AGTPBP1: variants seen among roughly 807,000 people sequenced by gnomAD.
The protein encoded by AGTPBP1 is cytosolic carboxypeptidase 1.
A neutral mutation model predicts 143.9 loss-of-function variants in AGTPBP1; 70 were observed. The ratio of observed to expected loss-of-function variants is 0.49; its 90% confidence interval spans 0.40 to 0.59. AGTPBP1 has a LOEUF of 0.59. Ranked by LOEUF, AGTPBP1 falls within the 20% of genes least tolerant of loss-of-function variation. The probability of loss-of-function intolerance (pLI) is 0.00; values close to 1 mark genes in which losing one functional copy is unlikely to be tolerated. For synonymous variants in AGTPBP1, 463 were observed against 500.2 expected, an observed-to-expected ratio of 0.93 and a Z score of 0.99; for missense variants, 1,229 against 1,464.5, an observed-to-expected ratio of 0.84 and a Z score of 2.62.
intron 13 of AGTPBP1, among the ~76,000 whole-genome samples, chr9:85,636,192 T>C (rs1276790521): frequency 6.6e-6 from 1 of 151,656 alleles, no homozygotes; most frequent in Non-Finnish European, 1.5e-5. Context: ...ATGACCATAT[T>C]TAATATGTTC....
At chr9:85,580,299 T>C (rs1019205638) in intron 23 of AGTPBP1, among the ~76,000 whole-genome samples, 2 of 152,028 alleles carry the variant, frequency 1.3e-5, no homozygotes, top group South Asian at 2.1e-4. Context: ...TTTTTGTTTA[T>C]GATGTGTAGT....
intron 11 of AGTPBP1, among the ~76,000 whole-genome samples, chr9:85,651,464 G>A (rs1346979866): frequency 6.6e-6 from 1 of 152,050 alleles, no homozygotes; most frequent in Non-Finnish European, 1.5e-5. Flanking sequence ...ACTGTATTAT[G>A]TATCTTTTGC....
intron 11 of AGTPBP1, among the ~76,000 whole-genome samples, chr9:85,654,495 C>T (rs1384450114): frequency 6.6e-6 from 1 of 151,836 alleles, no homozygotes; most frequent in East Asian, 1.9e-4. Context: ...CAAATGTAAA[C>T]CCGAACATAA....
the AGTPBP1 span, chr9:85,756,286 A>G: frequency 6.6e-7 from 1 of 1,524,246 alleles, no homozygotes; most frequent in East Asian, 2.4e-5. Flanking sequence ...TTCTGGTTGT[A>G]AACCACTCCC....
At chr9:85,695,709 A>C (rs1160333469) in intron 2 of AGTPBP1, among the ~76,000 whole-genome samples, 1 of 152,226 alleles carries the variant, frequency 6.6e-6, no homozygotes, top group African/African-American at 2.4e-5. Flanking sequence ...GAGAAAATAC[A>C]TGCAACTGTC....
the AGTPBP1 span, among the ~76,000 whole-genome samples, chr9:85,800,318 C>A: frequency 6.6e-6 from 1 of 152,300 alleles, no homozygotes; most frequent in African/African-American, 2.4e-5. Flanking sequence ...CCTTGCTCTC[C>A]TTCTGCTTTC....
In AGTPBP1 at chr9:85,741,899, A is replaced by C. The variant is rs1824329338; in HGVS notation, c.-158T>G. On this transcript the variant is annotated 5_prime_UTR_variant, in exon 1 of 26. Coordinates refer to ENST00000357081, the MANE Select transcript of AGTPBP1 (RefSeq NM_001330701.2). ...TTCATACAAACCCCGGTGGCAGGCG[A>C]GGCGGAGGCGGCGGCGGCGGCAGCT... 2 of 1,344,666 alleles carry C rather than the reference A, an allele frequency of 1.5e-6. No homozygotes were observed. Among genetic ancestry groups the C allele is most frequent in the Admixed American group, 3.6e-5 (1 of 27,662 alleles). The allele number at this position is 1,344,666 out of a possible 1,614,324, so 83.3% of individuals were successfully genotyped here. A position where few individuals can be genotyped will look rare whatever the true frequency, so the allele number is the denominator to read the frequency against.
chr9:85,550,293 A>AT (rs1261311653), intron 25 of AGTPBP1, among the ~76,000 whole-genome samples: 1 of 152,020 alleles, frequency 6.6e-6, no homozygotes, highest in Non-Finnish European at 1.5e-5. Flanking sequence ...AGAAGATTAC[A>AT]TCCCCCAACA....
At chr9:85,607,543 A>G (rs1402712631) in intron 17 of AGTPBP1, among the ~76,000 whole-genome samples, 2 of 152,124 alleles carry the variant, frequency 1.3e-5, no homozygotes, top group African/African-American at 4.8e-5. Context: ...GTGAAAGGAT[A>G]AACCTTCATG....
chr9:85,568,561 C>T (rs774778712), intron 25 of AGTPBP1, among the ~76,000 whole-genome samples: 5 of 151,956 alleles, frequency 3.3e-5, no homozygotes, highest in African/African-American at 9.7e-5. Flanking sequence ...CCTGGGACAC[C>T]GATAATGGTT....
intron 6 of AGTPBP1, among the ~76,000 whole-genome samples, chr9:85,673,218 A>T (rs1362914354): frequency 1.3e-5 from 2 of 152,174 alleles, no homozygotes; most frequent in Non-Finnish European, 2.9e-5. Flanking sequence ...GAAAGAATGT[A>T]CTAAGAAACA....
Position 85,657,505 on chromosome 9 carries a change from G to A in AGTPBP1, c.839C>T (p.Thr280Ile). 6.2e-7 allele frequency: 1 copy of A among 1,613,788 alleles called. No individual in the cohort carries two copies. The highest frequency in any genetic ancestry group is 8.5e-7 in the Non-Finnish European group (1 of 1,179,876). The change falls in exon 10 of 26, where the codon ACA becomes ATA. Residue 280 changes from threonine (T) to isoleucine (I), a missense_variant. By Grantham distance (89) the Thr-to-Ile change is moderately conservative. Around this residue, in one of 2 missense-constraint regions of AGTPBP1, gnomAD observed 743 missense variants for 812.2 expected, o/e 0.91. Coordinates refer to ENST00000357081, the MANE Select transcript of AGTPBP1 (RefSeq NM_001330701.2). The stretch of plus-strand genomic sequence containing the variant: ...TGCTTTTCTTCCCAACTTGATGTTT[G>A]TAACACTTTTTAAACTCTGTAAAAT... ...KGILQSLKSV[T>I]NIKLGRKAFI...
intron 14 of AGTPBP1, 80 bp downstream of exon 14, chr9:85,632,582 T>C: frequency 8.1e-7 from 1 of 1,238,518 alleles, no homozygotes; most frequent in Non-Finnish European, 1.1e-6. Context: ...TCTTCCTAAA[T>C]GCCCAAAGTA....
Position 85,557,056 on chromosome 9 carries a change from GA to G in AGTPBP1, c.3504-9771del, listed in dbSNP as rs1350585398. On this transcript the variant is annotated intron_variant, in intron 25 of 25. Coordinates refer to ENST00000357081, the MANE Select transcript of AGTPBP1 (RefSeq NM_001330701.2). ...CTAAATATGTATTCTTCCTTATGCT[GA>G]TATATTCTTATTTTGAAGTCTCAGA... Among the ~76,000 whole-genome samples the G allele has an allele frequency of 2.6e-5, 4 of 152,166 alleles. No homozygotes were observed. The East Asian group carries it at 7.7e-4, about 29-fold the overall frequency.
chr9:85,655,296 C>G lies in AGTPBP1; in HGVS notation c.934G>C (p.Asp312His), dbSNP rs1334274791. The change falls in exon 11 of 26, where the codon GAT (aspartate) becomes CAT (histidine). Residue 312 changes from aspartate (D) to histidine (H), a missense_variant. This residue lies in a region of AGTPBP1 where 743 missense variants were observed against 812.2 expected (regional missense o/e 0.91). Coordinates refer to ENST00000357081, the MANE Select transcript of AGTPBP1 (RefSeq NM_001330701.2). ...AGACTGGAGGTATTGACAAGAGGATCCAGAGTCCTGACTGCCAGACATTCC... is the reference window on the plus strand; with the variant it reads ...AGACTGGAGGTATTGACAAGAGGATGCAGAGTCCTGACTGCCAGACATTCC... ...SQECLAVRTLDPLVNTSSLIM... is the reference protein window; with the variant it reads ...SQECLAVRTLHPLVNTSSLIM... 3.9e-6 allele frequency: 6 copies of G among 1,555,812 alleles called. No homozygotes were observed. The highest frequency in any genetic ancestry group is 5.2e-6 in the Non-Finnish European group (6 of 1,149,846).
At chr9:85,689,788 C>T (rs1046002394) in intron 3 of AGTPBP1, among the ~76,000 whole-genome samples, 2 of 147,418 alleles carry the variant, frequency 1.4e-5, no homozygotes, top group South Asian at 2.2e-4. Flanking sequence ...CCCAGCTACT[C>T]GGGGGGCTGA....
At chr9:85,629,930 A>G (rs1174146119) in intron 14 of AGTPBP1, among the ~76,000 whole-genome samples, 2 of 152,200 alleles carry the variant, frequency 1.3e-5, no homozygotes, top group African/African-American at 4.8e-5. Context: ...GCTTATATAA[A>G]ATTATGCCTC....
intron 7 of AGTPBP1, among the ~76,000 whole-genome samples, chr9:85,670,842 C>A (rs899508137): frequency 1.3e-5 from 2 of 152,130 alleles, no homozygotes; most frequent in African/African-American, 2.4e-5. Flanking sequence ...TTTATTACTC[C>A]GTTATCCCTT....
intron 9 of AGTPBP1, among the ~76,000 whole-genome samples, chr9:85,660,078 C>T (rs919721390): frequency 1.3e-5 from 2 of 151,226 alleles, no homozygotes; most frequent in Non-Finnish European, 3.0e-5. Context: ...TCATTATTTG[C>T]TATTATTTAA....
Sources: gnomAD v4.1 joint callset for allele counts (sites outside exome capture counted in the v4.1 genomes callset) on GRCh38, gnomAD v4.1.1 for gene constraint, gnomAD v4.1.1 regional missense constraint, MANE v1.5 for transcripts, NCBI Gene and HGNC (gene_info 2026-07-23, HGNC 2026-07-21) for gene names.